Variants in RUSC2 observed in about 807,000 individuals in gnomAD.
RUSC2 encodes AP-4 complex accessory subunit RUSC2.
RUSC2 carries 34 observed loss-of-function variants against 122.2 expected under a neutral mutation model. The ratio of observed to expected loss-of-function variants is 0.28; its 90% CI spans 0.21 to 0.37. The LOEUF (loss-of-function observed/expected upper bound fraction) is 0.37. RUSC2 is among the 10% of genes least tolerant of loss of function. RUSC2 has a pLI of 1.00. For missense variants in RUSC2, 1,747 were observed against 1,952.4 expected (o/e 0.89, Z 1.98); for synonymous variants, 784 against 790.0 (o/e 0.99, Z 0.13).
At chr9:35,537,537 G>T (rs1173262681) in intron 1 of RUSC2, among the ~76,000 whole-genome samples, 2 of 152,214 alleles carry the variant, frequency 1.3e-5, no homozygotes, top group Non-Finnish European at 2.9e-5. Context: ...GTCAAGGCTG[G>T]AGATGGGTCT....
At position 35,561,365 on chromosome 9, in the gene RUSC2, G is replaced by A. The variant is rs757444855; in HGVS notation, c.4534G>A (p.Gly1512Arg). ...GACCCCAACTCCAAGTCCAACCCCT[G>A]GAAGCAGCCAAAACTGAGGCCCTGT... The part of the protein sequence containing the change: ...TLTPTPSPTP[G>R]SSQN The change falls in exon 12 of 12, where the codon GGA becomes AGA. Residue 1512 changes from glycine to arginine, a missense_variant. Gly to Arg is a moderately radical substitution (Grantham distance 125). Coordinates refer to ENST00000361226, the MANE Select transcript of RUSC2 (RefSeq NM_014806.5). 5.5e-5 allele frequency: 88 copies of A among 1,612,506 alleles called. No individual in the cohort carries two copies. The highest frequency in any genetic ancestry group is 3.3e-4 in the Middle Eastern group (2 of 6,072).
chr9:35,528,928 A>G (rs930186536), intron 1 of RUSC2, among the ~76,000 whole-genome samples: 2 of 152,214 alleles, frequency 1.3e-5, no homozygotes, highest in African/African-American at 4.8e-5. Context: ...CTTTAAAAAA[A>G]TTTTTAAAAA....
rs1401001501 is a variant in RUSC2, at chr9:35,548,059, C to T, written c.1538C>T (p.Ser513Leu). The part of the protein sequence containing the change: ...LQRSPPVRLG[S>L]LERMLSCPVR... Reference sequence around the variant, plus strand: ...CGCAGCCCTCCTGTCCGCCTGGGCTCGCTGGAACGTATGTTGAGTTGCCCA... The same window carrying T: ...CGCAGCCCTCCTGTCCGCCTGGGCTTGCTGGAACGTATGTTGAGTTGCCCA... Residue 513 changes from serine (S) to leucine (L), a missense_variant, in exon 2 of 12, where the codon TCG becomes TTG. Physicochemically the swap from Ser to Leu is moderately radical, Grantham distance 145 (BLOSUM62 -2). Coordinates refer to ENST00000361226, the MANE Select transcript of RUSC2 (RefSeq NM_014806.5). This position sits in a 1 kb window ranked among gnomAD's most constrained non-coding sequence, Gnocchi z 4.5. 5.0e-6 allele frequency: 8 copies of T among 1,613,418 alleles called. No individual in the cohort carries two copies. The highest frequency in any genetic ancestry group is 1.7e-5 in the Admixed American group (1 of 60,016).
At chr9:35,554,375 G>T (rs1821963288) in intron 2 of RUSC2, among the ~76,000 whole-genome samples, 1 of 152,222 alleles carries the variant, frequency 6.6e-6, no homozygotes, top group Admixed American at 6.5e-5. Context: ...AAGAGTGGGA[G>T]TGGGGGTAGA....
intron 1 of RUSC2, among the ~76,000 whole-genome samples, chr9:35,515,664 GATA>G (rs1372900149): frequency 4.6e-5 from 7 of 151,972 alleles, no homozygotes; most frequent in African/African-American, 9.7e-5. Context: ...GTAAAATAGA[GATA>G]ATAATATCTA....
intron 1 of RUSC2, chr9:35,507,485 G>T (rs1465218462): frequency 6.4e-6 from 1 of 156,374 alleles, no homozygotes; most frequent in Non-Finnish European, 1.4e-5. Flanking sequence ...GCTCAGCTTT[G>T]CTGGAGAAAG....
At chr9:35,560,002 G>C (rs1318481005) in intron 9 of RUSC2, 27 bp from the exon 10 acceptor site, 2 of 1,550,784 alleles carry the variant, frequency 1.3e-6, no homozygotes, top group Admixed American at 1.8e-5. Context: ...TCTCTGTGTG[G>C]ATCAGTCCCT....
At chr9:35,524,175 T>C (rs1230671161) in intron 1 of RUSC2, among the ~76,000 whole-genome samples, 3 of 151,822 alleles carry the variant, frequency 2.0e-5, no homozygotes, top group African/African-American at 7.3e-5. Flanking sequence ...ATACAAAAAA[T>C]TAGCTAGGCA....
In RUSC2 at chr9:35,547,382, C is replaced by A; in HGVS notation, c.861C>A (p.Leu287=). The change falls in exon 2 of 12, where the codon CTC becomes CTA. Residue 287 remains leucine (L), a synonymous_variant. Coordinates refer to ENST00000361226, the MANE Select transcript of RUSC2 (RefSeq NM_014806.5). The surrounding 1 kb of genome is among the most constrained non-coding windows in gnomAD (Gnocchi z 4.6). ...SDGVLVTFST[L]YNKMHGTPRA... The stretch of plus-strand genomic sequence containing the variant: ...GTGTGCTGGTCACCTTCAGCACCCT[C>A]TACAACAAGATGCATGGCACCCCCC... 1.9e-6 allele frequency: 3 copies of A among 1,614,178 alleles called. No individual in the cohort carries two copies. Among genetic ancestry groups the A allele is most frequent in the Non-Finnish European group, 2.5e-6 (3 of 1,180,014 alleles).
intron 1 of RUSC2, among the ~76,000 whole-genome samples, chr9:35,521,787 A>C (rs900813455): frequency 1.3e-5 from 2 of 152,252 alleles, no homozygotes; most frequent in Admixed American, 6.5e-5. Flanking sequence ...ACACACTCCC[A>C]GCATGCCGTC....
chr9:35,559,408 T>G, intron 9 of RUSC2, 136 bp downstream of exon 9: 1 of 779,362 alleles, frequency 1.3e-6, no homozygotes, highest in South Asian at 1.5e-5. Context: ...AGCCTCAGGC[T>G]TCCACCCAAG....
intron 1 of RUSC2, among the ~76,000 whole-genome samples, chr9:35,503,082 G>A (rs1204684924): frequency 2.0e-5 from 3 of 151,980 alleles, no homozygotes; most frequent in Non-Finnish European, 4.4e-5. Flanking sequence ...GGCTGGTCTC[G>A]AACTCCTGTC....
At chr9:35,493,699 C>T (rs1820614470) in intron 1 of RUSC2, among the ~76,000 whole-genome samples, 1 of 151,976 alleles carries the variant, frequency 6.6e-6, no homozygotes, top group Non-Finnish European at 1.5e-5. Flanking sequence ...GAGGGGGTTT[C>T]ACCACGTTGG....
Position 35,547,557 on chromosome 9 carries a change from G to A in RUSC2, c.1036G>A (p.Glu346Lys), listed in dbSNP as rs768409887. The change falls in exon 2 of 12, where the codon GAA becomes AAA. Residue 346 changes from glutamate to lysine, a missense_variant. Transcript: ENST00000361226. The surrounding 1 kb of genome is among the most constrained non-coding windows in gnomAD (Gnocchi z 4.6). Reference protein sequence around the residue: ...ESHHPESGGREGGYGCPHASS... With the variant: ...ESHHPESGGRKGGYGCPHASS... ...CCATCACCCTGAAAGTGGAGGAAGG[G>A]AAGGGGGCTATGGTTGCCCTCATGC... The A allele has an allele frequency of 2.5e-6, 4 of 1,614,192 alleles. No individual in the cohort carries two copies. In the South Asian group the frequency reaches 4.4e-5, roughly 18 times the overall value.
In RUSC2 at chr9:35,557,046, C is replaced by T. The variant is rs531011769; in HGVS notation, c.2983+598C>T. Among the ~76,000 whole-genome samples, 6 of 80,024 alleles carry T rather than the reference C, an allele frequency of 7.5e-5. No homozygotes were observed. Among genetic ancestry groups the T allele is most frequent in the Non-Finnish European group, 1.9e-4 (6 of 30,924 alleles). 52.5% of individuals were successfully genotyped at this position (80,024 alleles called of 152,430 possible). A position where few individuals can be genotyped will look rare whatever the true frequency, so the allele number is the denominator to read the frequency against. ...TGTCATCAAAAAATGCCTCAGTGCT[C>T]TTGGAGGGGGCGGGTGAAGGTACTA... On this transcript the variant is annotated intron_variant, in intron 5 of 11. Transcript: ENST00000361226. The surrounding 1 kb of genome is among the most constrained non-coding windows in gnomAD (Gnocchi z 4.6).
chr9:35,545,869 G>A (rs1252150142), intron 1 of RUSC2, among the ~76,000 whole-genome samples: 1 of 152,166 alleles, frequency 6.6e-6, no homozygotes, highest in Non-Finnish European at 1.5e-5. Context: ...TCTGGGGCTT[G>A]TAGGACGAGA....
intron 1 of RUSC2, among the ~76,000 whole-genome samples, chr9:35,524,919 C>T (rs553859506): frequency 3.3e-5 from 5 of 150,318 alleles, no homozygotes; most frequent in East Asian, 2.0e-4. Context: ...TGCAGTAAGC[C>T]AAGATCGCAC....
chr9:35,495,801 A>G (rs1458436560), intron 1 of RUSC2, among the ~76,000 whole-genome samples: 1 of 152,154 alleles, frequency 6.6e-6, no homozygotes, highest in Non-Finnish European at 1.5e-5. Flanking sequence ...CCAATTCATG[A>G]TCACCAGATG....
intron 1 of RUSC2, among the ~76,000 whole-genome samples, chr9:35,491,026 G>A (rs573181833): frequency 7.3e-5 from 11 of 151,672 alleles, no homozygotes; most frequent in African/African-American, 2.2e-4. Context: ...TGAAACGCAG[G>A]AACAAGTAGA....
Sources: gnomAD v4.1 joint callset for allele counts (sites outside exome capture counted in the v4.1 genomes callset) on GRCh38, gnomAD v4.1.1 for gene constraint, Gnocchi (gnomAD v3.1) non-coding constraint, MANE v1.5 for transcripts, NCBI Gene and HGNC (gene_info 2026-07-23, HGNC 2026-07-21) for gene names.